The following SLC6A14 variants were observed in gnomAD, a reference collection of about 807,000 sequenced individuals.
SLC6A14 encodes sodium- and chloride-dependent neutral and basic amino acid transporter B(0+).
A neutral mutation model predicts 51.4 loss-of-function variants in SLC6A14; 21 were observed. The ratio of observed to expected loss-of-function variants is 0.41; its 90% CI spans 0.29 to 0.59. SLC6A14 has a LOEUF of 0.59. Among genes scored for constraint, SLC6A14 ranks in the 20% least tolerant of loss-of-function variants. The pLI, the probability that SLC6A14 is intolerant of heterozygous loss-of-function variation, is 0.31. For missense variants in SLC6A14, 371 were observed against 472.8 expected (o/e 0.78, Z 2.00); for synonymous variants, 177 against 160.7 (o/e 1.10, Z -0.77).
At chrX:116,442,657 TTTTTA>T (rs781938800) in intron 3 of SLC6A14, 25 bp from the exon 4 acceptor site, 44 of 1,082,858 alleles carry the variant, frequency 4.1e-5, no homozygotes, top group Admixed American at 2.1e-4. Flanking sequence ...TTGAGTTTGG[TTTTTA>T]TTTTAATTGT....
rs1387961130 is a variant in SLC6A14 at position 116,439,668 on chromosome X, C to CA, written c.215-1292dup. Among the ~76,000 whole-genome samples the CA allele has an allele frequency of 4.6e-5, 5 of 109,768 alleles. No homozygotes were observed. The Admixed American group carries it at 4.9e-4, about 11-fold the overall frequency. Reference sequence around the variant, plus strand: ...CACTGAAGAAAATAATCTTTTTTAACAAAAAATACCTGTTCACACTCGGCT... The same window carrying CA: ...CACTGAAGAAAATAATCTTTTTTAACAAAAAAATACCTGTTCACACTCGGCT... On this transcript the variant is annotated intron_variant, in intron 2 of 13. Transcript: ENST00000598581.
chrX:116,437,968 A>ACGGGGGGCCCCCC lies in SLC6A14; in HGVS notation c.214+14_214+15insGGGGGGCCCCCCC. 1 of 1,122,173 alleles carries ACGGGGGGCCCCCC rather than the reference A, an allele frequency of 8.9e-7. No homozygotes were observed. Among genetic ancestry groups the ACGGGGGGCCCCCC allele is most frequent in the Non-Finnish European group, 1.2e-6 (1 of 840,392 alleles). 92.5% of individuals were successfully genotyped at this position (1,122,173 alleles called of 1,213,427 possible). ...AGCAATGGTGGAGGTATTCTATTTCACCCCCACCCTCCCACCCCCGCTTTT... is the reference window on the plus strand; with the variant it reads ...AGCAATGGTGGAGGTATTCTATTTCACGGGGGGCCCCCCCCCCCACCCTCCCACCCCCGCTTTT... On this transcript the variant is annotated intron_variant, in intron 2 of 13. Transcript: ENST00000598581.
At chrX:116,436,886 G>A in intron 1 of SLC6A14, 129 bp downstream of exon 1, 1 of 551,276 alleles carries the variant, frequency 1.8e-6, no homozygotes, top group Non-Finnish European at 2.9e-6. Flanking sequence ...ACTATTAGGT[G>A]TGACTGAGAT....
intron 7 of SLC6A14, among the ~76,000 whole-genome samples, chrX:116,449,821 A>G (rs1556694285): frequency 2.7e-5 from 3 of 112,039 alleles, no homozygotes; most frequent in Non-Finnish European, 1.9e-5. Context: ...GCAGATCAAT[A>G]AGGGAAGGGA....
At chrX:116,442,156 A>G (rs782253375) in intron 3 of SLC6A14, among the ~76,000 whole-genome samples, 3 of 112,276 alleles carry the variant, frequency 2.7e-5, no homozygotes, top group Non-Finnish European at 5.6e-5. Flanking sequence ...TCAACTAAGA[A>G]ACTGCACCAG....
intron 11 of SLC6A14, 62 bp from the exon 12 acceptor site, chrX:116,455,295 G>A: frequency 1.1e-6 from 1 of 899,572 alleles, no homozygotes; most frequent in Non-Finnish European, 1.6e-6. Context: ...GATAATTGAT[G>A]CCATAATGGT....
At position 116,438,570 on chromosome X, in the gene SLC6A14, A is replaced by G. The variant is rs187257286; in HGVS notation, c.214+615A>G. ...GATTGTTGTTTTATTCCTGCAAAAA[A>G]ACACTGTTTATACCTTGTAGATCAT... On this transcript the variant is annotated intron_variant, in intron 2 of 13. Transcript: ENST00000598581. 1.1e-3 allele frequency among the ~76,000 whole-genome samples: 128 copies of G among 112,245 alleles called. 1 individual carries two copies. Among genetic ancestry groups the G allele is most frequent in the African/African-American group, 4.0e-3 (124 of 31,005 alleles).
intron 8 of SLC6A14, among the ~76,000 whole-genome samples, chrX:116,452,555 G>A (rs1288197122): frequency 8.9e-6 from 1 of 111,835 alleles, no homozygotes; most frequent in African/African-American, 3.2e-5. Context: ...TATGCATATA[G>A]TGATTCTGGG....
rs12720078 is a variant in SLC6A14, at chrX:116,440,361, A to G, written c.215-605A>G. Among the ~76,000 whole-genome samples the G allele has an allele frequency of 3.0e-3, 339 of 112,037 alleles. 4 individuals carry two copies. The highest frequency in any genetic ancestry group is 1.0e-3 in the Non-Finnish European group (54 of 53,176). On this transcript the variant is annotated intron_variant, in intron 2 of 13. Transcript: ENST00000598581. ...TTAACATTGAGTGAAGAACCTTGTG[A>G]CTCTTTGGAGAATAATAAACTTAAT...
intron 8 of SLC6A14, among the ~76,000 whole-genome samples, chrX:116,452,299 AT>A (rs1927839694): frequency 9.0e-6 from 1 of 111,605 alleles, no homozygotes; most frequent in African/African-American, 3.3e-5. Flanking sequence ...AGAGAAGTGG[AT>A]TGATACACAG....
chrX:116,457,888 C>G, intron 13 of SLC6A14, 112 bp downstream of exon 13: 1 of 571,249 alleles, frequency 1.8e-6, no homozygotes, highest in Admixed American at 3.0e-5. Context: ...ATTAATTACT[C>G]CTTCCTCTTG....
At chrX:116,449,194 A>C (rs1389274015) in intron 7 of SLC6A14, among the ~76,000 whole-genome samples, 3 of 112,081 alleles carry the variant, frequency 2.7e-5, no homozygotes, top group African/African-American at 9.7e-5. Context: ...CCAATTGTAC[A>C]CAGCCAATTA....
intron 11 of SLC6A14, 128 bp from the exon 12 acceptor site, chrX:116,455,229 T>C: frequency 1.6e-6 from 1 of 624,014 alleles, no homozygotes; most frequent in Non-Finnish European, 2.5e-6. Context: ...TGTAAAAATA[T>C]AATTACAGGT....
chrX:116,444,676 A>T (rs1442954529), intron 5 of SLC6A14, among the ~76,000 whole-genome samples: 1 of 111,732 alleles, frequency 8.9e-6, no homozygotes, highest in Non-Finnish European at 1.9e-5. Context: ...TAGATCTTTT[A>T]TTCTGTGGTT....
At chrX:116,449,828 G>A (rs1390958777) in intron 7 of SLC6A14, among the ~76,000 whole-genome samples, 2 of 111,660 alleles carry the variant, frequency 1.8e-5, no homozygotes, top group Non-Finnish European at 3.8e-5. Flanking sequence ...AATAAGGGAA[G>A]GGATGATAAT....
rs782551549 is a variant in SLC6A14, at chrX:116,441,091, T to C, written c.340T>C (p.Phe114Leu). The change falls in exon 3 of 14, where the codon TTT becomes CTT. Residue 114 changes from phenylalanine to leucine, a missense_variant. Phe to Leu is a conservative substitution (Grantham distance 22). Transcript: ENST00000598581. ...PVSVWRILPL[F>L]QGVGITMVLI... The stretch of plus-strand genomic sequence containing the variant: ...TTCAGTTTGGAGGATTCTTCCATTG[T>C]TTCAAGGTTGGTATTAAAGCGTTTT... 3.3e-6 allele frequency: 4 copies of C among 1,208,591 alleles called. No homozygotes were observed. In the African/African-American group the frequency reaches 5.2e-5, roughly 16 times the overall value.
intron 7 of SLC6A14, among the ~76,000 whole-genome samples, chrX:116,449,363 A>G (rs1343013666): frequency 9.0e-6 from 1 of 111,511 alleles, no homozygotes; most frequent in Non-Finnish European, 1.9e-5. Flanking sequence ...TTCTTACACA[A>G]CACAGGACTG....
intron 7 of SLC6A14, among the ~76,000 whole-genome samples, chrX:116,448,631 A>C (rs1401711697): frequency 8.9e-6 from 1 of 112,040 alleles, no homozygotes; most frequent in Non-Finnish European, 1.9e-5. Flanking sequence ...ATCTTGCTAG[A>C]GTTGCAACAT....
chrX:116,439,499 T>A (rs138787842), intron 2 of SLC6A14, among the ~76,000 whole-genome samples: 2 of 111,388 alleles, frequency 1.8e-5, no homozygotes, highest in Non-Finnish European at 3.8e-5. Flanking sequence ...TTTTTAACAG[T>A]TTATTAAAGA....
Sources: gnomAD v4.1 joint callset for allele counts (sites outside exome capture counted in the v4.1 genomes callset) on GRCh38, gnomAD v4.1.1 for gene constraint, MANE v1.5 for transcripts, NCBI Gene and HGNC (gene_info 2026-07-23, HGNC 2026-07-21) for gene names.